POM121C: variants seen among roughly 807,000 people sequenced by gnomAD.
The protein encoded by POM121C is nuclear envelope pore membrane protein POM 121C.
A neutral mutation model predicts 66.4 loss-of-function variants in POM121C; 20 were observed. The ratio of observed to expected loss-of-function variants is 0.30; its 90% CI spans 0.21 to 0.44. The LOEUF is 0.44. POM121C is among the 20% of genes least tolerant of loss of function. The pLI is 1.00. For missense variants in POM121C, 580 were observed against 1,225.7 expected (o/e 0.47, Z 7.87); for synonymous variants, 286 against 528.0 (o/e 0.54, Z 6.28).
chr7:75,460,210 G>A (rs373731088), intron 3 of POM121C, among the ~76,000 whole-genome samples: 14,486 of 129,434 alleles, frequency 0.11, 1,054 homozygotes, highest in African/African-American at 0.22. Flanking sequence ...AATGACTCAT[G>A]GCCAAGTGTG....
In POM121C at chr7:75,417,117, T is replaced by C. The variant is rs1789498185; in HGVS notation, c.*1679A>G. On this transcript the variant is annotated 3_prime_UTR_variant, in exon 15 of 15. Transcript: ENST00000615331. ...TCCAATCCTAACAGGTATTTAGGCT[T>C]GAGGTTCACTCCCTCCTCAGCTGCA... 2 of 1,019,616 alleles carry C rather than the reference T, an allele frequency of 2.0e-6. No individual in the cohort carries two copies. The highest frequency in any genetic ancestry group is 8.6e-5 in the East Asian group (1 of 11,584). 63.2% of individuals were successfully genotyped at this position (1,019,616 alleles called of 1,614,324 possible).
intron 7 of POM121C, among the ~76,000 whole-genome samples, chr7:75,434,899 A>G (rs1402628218): frequency 6.6e-6 from 1 of 152,098 alleles, no homozygotes; most frequent in African/African-American, 2.4e-5. Flanking sequence ...TACCTGTCAA[A>G]TTGGTAAAAG....
intron 3 of POM121C, among the ~76,000 whole-genome samples, chr7:75,456,920 G>A (rs1291973037): frequency 1.3e-5 from 2 of 151,048 alleles, no homozygotes; most frequent in Admixed American, 1.3e-4. Context: ...GCCGAGGCAG[G>A]TGAATCACCT....
chr7:75,429,980 G>C (rs1554472146), intron 7 of POM121C, among the ~76,000 whole-genome samples: 1 of 152,148 alleles, frequency 6.6e-6, no homozygotes, highest in Non-Finnish European at 1.5e-5. Flanking sequence ...ACTCCAGCCT[G>C]GGCCACAGAG....
intron 7 of POM121C, among the ~76,000 whole-genome samples, chr7:75,428,164 G>A (rs1343992166): frequency 2.0e-5 from 3 of 150,916 alleles, no homozygotes; most frequent in Non-Finnish European, 4.4e-5. Flanking sequence ...TTTTTGAGAC[G>A]GAGCCTTGCT....
intron 13 of POM121C, chr7:75,421,304 A>C (rs1789696578): frequency 8.3e-6 from 11 of 1,323,744 alleles, no homozygotes; most frequent in South Asian, 4.7e-5. Flanking sequence ...AGTACTCAGA[A>C]GGCCTTTGAC....
At chr7:75,448,568 G>A (rs1489976582) in intron 3 of POM121C, among the ~76,000 whole-genome samples, 8 of 139,920 alleles carry the variant, frequency 5.7e-5, no homozygotes, top group Admixed American at 1.4e-4. Flanking sequence ...TTGGGAGGCC[G>A]AGGCAGGTGG....
chr7:75,421,925 C>T lies in POM121C; in HGVS notation c.2327G>A (p.Gly776Glu), dbSNP rs1411712810. The T allele has an allele frequency of 3.7e-6, 6 of 1,613,336 alleles. No individual in the cohort carries two copies. Among genetic ancestry groups the T allele is most frequent in the Admixed American group, 3.3e-5 (2 of 59,996 alleles). Residue 776 changes from glycine (G) to glutamate (E), a missense_variant, in exon 13 of 15, where the codon GGA (glycine) becomes GAA (glutamate). Coordinates refer to ENST00000615331, the MANE Select transcript of POM121C (RefSeq NM_001099415.3). ...TFGGATHSAF[G>E]LKATASAFGA... The stretch of plus-strand genomic sequence containing the variant: ...GAAGGCGGAAGCCGTGGCTTTCAAT[C>T]CAAACGCCGAGTGCGTGGCACCGCC...
intron 1 of POM121C, among the ~76,000 whole-genome samples, chr7:75,478,178 G>A (rs1409531907): frequency 6.6e-6 from 1 of 152,126 alleles, no homozygotes; most frequent in African/African-American, 2.4e-5. Context: ...TGTTGGCCAG[G>A]CTGGTCTTGA....
At chr7:75,478,917 C>A in intron 1 of POM121C, among the ~76,000 whole-genome samples, 1 of 144,078 alleles carries the variant, frequency 6.9e-6, no homozygotes, top group Non-Finnish European at 1.5e-5. Context: ...AAAACAGAAA[C>A]ATGAAAAAAA....
At chr7:75,437,458 T>C in intron 7 of POM121C, 57 bp downstream of exon 7, 5 of 1,566,208 alleles carry the variant, frequency 3.2e-6, no homozygotes, top group Non-Finnish European at 4.3e-6. Context: ...CTGGCCCTAA[T>C]CAATGAATGA....
At chr7:75,475,022 C>G (rs1792023559) in intron 2 of POM121C, 40 bp downstream of exon 2, 1 of 1,457,758 alleles carries the variant, frequency 6.9e-7, no homozygotes, top group Non-Finnish European at 9.6e-7. Flanking sequence ...GCATAAAACC[C>G]CATTCAACTG....
At chr7:75,462,863 T>C (rs147211125) in intron 3 of POM121C, among the ~76,000 whole-genome samples, 4,841 of 150,870 alleles carry the variant, frequency 0.032, 110 homozygotes, top group Middle Eastern at 0.1. Flanking sequence ...GAAATTTGGG[T>C]ACTGAAATTC....
chr7:75,470,031 A>C (rs1352889043), intron 3 of POM121C, among the ~76,000 whole-genome samples: 7 of 152,152 alleles, frequency 4.6e-5, no homozygotes, highest in Non-Finnish European at 2.9e-5. Flanking sequence ...CAGTGGCACA[A>C]TCTCGGCTCA....
intron 13 of POM121C, chr7:75,419,839 C>T (rs1789622322): frequency 5.1e-6 from 1 of 194,908 alleles, no homozygotes; most frequent in South Asian, 9.0e-5. Flanking sequence ...TTTGTCCGTC[C>T]TGTGTCTTTT....
chr7:75,441,951 T>C (rs1790665722), intron 3 of POM121C, among the ~76,000 whole-genome samples: 2 of 84,680 alleles, frequency 2.4e-5, no homozygotes, highest in South Asian at 7.8e-4. Context: ...GGGAATCGTT[T>C]TGGCAACACA....
chr7:75,462,631 GCTGCCT>G (rs1791482169), intron 3 of POM121C, among the ~76,000 whole-genome samples: 1 of 152,072 alleles, frequency 6.6e-6, no homozygotes. Flanking sequence ...CCCGTTCTCA[GCTGCCT>G]GAGGGCTGCC....
chr7:75,460,354 T>G (rs1179930712), intron 3 of POM121C, among the ~76,000 whole-genome samples: 1 of 151,804 alleles, frequency 6.6e-6, no homozygotes, highest in Non-Finnish European at 1.5e-5. Context: ...AAAAAAAGAT[T>G]AGCCAGGCAT....
intron 3 of POM121C, among the ~76,000 whole-genome samples, chr7:75,465,160 AT>A (rs1194024143): frequency 1.3e-5 from 2 of 151,504 alleles, no homozygotes; most frequent in Non-Finnish European, 2.9e-5. Context: ...ATGCCCGGCT[AT>A]TTTTGTATTT....
Sources: gnomAD v4.1 joint callset for allele counts (sites outside exome capture counted in the v4.1 genomes callset) on GRCh38, gnomAD v4.1.1 for gene constraint, MANE v1.5 for transcripts, NCBI Gene and HGNC (gene_info 2026-07-23, HGNC 2026-07-21) for gene names.